MAPK1IP1L: variants seen among roughly 807,000 people sequenced by gnomAD.
MAPK1IP1L encodes mitogen-activated protein kinase 1 interacting protein 1 like, also known as MAPK-interacting and spindle-stabilizing protein-like.
Under a neutral mutation model 18.1 loss-of-function variants are expected in MAPK1IP1L, and 10 were observed. The ratio of observed to expected loss-of-function variants is 0.55; its 90% confidence interval spans 0.34 to 0.94. MAPK1IP1L has a LOEUF of 0.94. Ranked by LOEUF, MAPK1IP1L falls within the 40% of genes least tolerant of loss-of-function variation. The probability of loss-of-function intolerance (pLI) is 0.02; values close to 1 mark genes in which losing one functional copy is unlikely to be tolerated. For missense variants in MAPK1IP1L, 260 were observed against 318.2 expected (o/e 0.82, Z 1.39); for synonymous variants, 115 against 117.3 (o/e 0.98, Z 0.13).
chr14:55,056,873 T>G (rs991283246), intron 1 of MAPK1IP1L, among the ~76,000 whole-genome samples: 1 of 152,178 alleles, frequency 6.6e-6, no homozygotes, highest in Non-Finnish European at 1.5e-5. Context: ...TCTTGTCCTT[T>G]ATGTTCTTGT....
At chr14:55,051,922 G>T (rs1183678048) in intron 1 of MAPK1IP1L, 119 bp downstream of exon 1, 6 of 395,400 alleles carry the variant, frequency 1.5e-5, no homozygotes, top group Non-Finnish European at 5.0e-6. Context: ...ATCGAGTCAC[G>T]TCCAGTGCTC....
intron 1 of MAPK1IP1L, among the ~76,000 whole-genome samples, chr14:55,052,024 G>T (rs769678531): frequency 2.0e-5 from 3 of 152,240 alleles, no homozygotes; most frequent in Non-Finnish European, 4.4e-5. Context: ...GCCCCCCAGG[G>T]AGAAGGTGTC....
intron 1 of MAPK1IP1L, among the ~76,000 whole-genome samples, chr14:55,056,069 G>A (rs74532726): frequency 0.018 from 2,748 of 152,260 alleles, 89 homozygotes; most frequent in African/African-American, 0.062. Context: ...TGGAGAGCTG[G>A]TCACTTTACT....
At chr14:55,058,625 G>A (rs2140258877) in intron 1 of MAPK1IP1L, among the ~76,000 whole-genome samples, 1 of 152,300 alleles carries the variant, frequency 6.6e-6, no homozygotes, top group South Asian at 2.1e-4. Flanking sequence ...GAGGCCAGGA[G>A]TTCAAGAGCA....
chr14:55,062,781 C>A lies in MAPK1IP1L; in HGVS notation c.182C>A (p.Thr61Asn). ...SGLPPSATPS[T>N]VPFGPAPTGM... ...CTCCCACCAAGTGCAACACCCTCCA[C>A]TGTGCCTTTTGGACCAGCACCAACA... Residue 61 changes from threonine to asparagine, a missense_variant, in exon 3 of 4, where the codon ACT (threonine) becomes AAT (asparagine). By Grantham distance (65) the Thr-to-Asn change is moderately conservative. Coordinates refer to ENST00000395468, the MANE Select transcript of MAPK1IP1L (RefSeq NM_144578.4). The A allele has an allele frequency of 1.2e-6, 2 of 1,614,224 alleles. No individual in the cohort carries two copies. The highest frequency in any genetic ancestry group is 1.7e-6 in the Non-Finnish European group (2 of 1,180,044).
rs551155223 is a variant in MAPK1IP1L at position 55,056,543 on chromosome 14, A to C, written c.-5+4740A>C. ...TTTTTGTTTTTGAGACGGAGTTTGC[A>C]CTGTCACCCAGGCTGGAGTGCAGTG... is the stretch of plus-strand genomic sequence containing the variant. On this transcript the variant is annotated intron_variant, in intron 1 of 3. Transcript: ENST00000395468. 2.6e-5 allele frequency among the ~76,000 whole-genome samples: 4 copies of C among 152,152 alleles called. No homozygotes were observed. In the South Asian group the frequency reaches 8.3e-4, roughly 32 times the overall value.
rs2042883832 is a variant in MAPK1IP1L at position 55,068,653 on chromosome 14, CTT to C, written c.*4028_*4029del. 1 of 152,216 alleles carries C rather than the reference CTT, an allele frequency of 6.6e-6. No homozygotes were observed. The highest frequency in any genetic ancestry group is 1.5e-5 in the Non-Finnish European group (1 of 68,028). The allele number at this position is 152,216 out of a possible 1,614,324, so 9.4% of individuals were successfully genotyped here. On this transcript the variant is annotated 3_prime_UTR_variant, in exon 4 of 4. Coordinates refer to ENST00000395468, the MANE Select transcript of MAPK1IP1L (RefSeq NM_144578.4). ...AGTTGTAGGTGGCGTTCAGGGAAGACTTTGATTTTAATAAAGCAATATTTAGT... is the reference window on the plus strand; with the variant it reads ...AGTTGTAGGTGGCGTTCAGGGAAGACTGATTTTAATAAAGCAATATTTAGT...
At chr14:55,052,819 T>C (rs1454454328) in intron 1 of MAPK1IP1L, among the ~76,000 whole-genome samples, 3 of 152,240 alleles carry the variant, frequency 2.0e-5, no homozygotes, top group East Asian at 3.8e-4. Flanking sequence ...ATTGCAAATA[T>C]TGGAATGTTC....
chr14:55,063,403 G>C (rs2042836135), intron 3 of MAPK1IP1L, 78 bp downstream of exon 3: 1 of 1,252,182 alleles, frequency 8.0e-7, no homozygotes, highest in Non-Finnish European at 1.1e-6. Flanking sequence ...AGTTTTGGAT[G>C]GAAGATTAAG....
chr14:55,053,878 GTA>G (rs1388144477), intron 1 of MAPK1IP1L, among the ~76,000 whole-genome samples: 1 of 152,156 alleles, frequency 6.6e-6, no homozygotes, highest in African/African-American at 2.4e-5. Context: ...GTTCCAATAA[GTA>G]TATAACTAAA....
chr14:55,054,368 C>T (rs2042754350), intron 1 of MAPK1IP1L, among the ~76,000 whole-genome samples: 1 of 151,838 alleles, frequency 6.6e-6, no homozygotes, highest in Non-Finnish European at 1.5e-5. Context: ...GTCTTGAATT[C>T]CTGGCCTCAA....
chr14:55,055,688 T>C (rs750155474), intron 1 of MAPK1IP1L, among the ~76,000 whole-genome samples: 15 of 152,174 alleles, frequency 9.9e-5, no homozygotes, highest in Non-Finnish European at 4.4e-5. Context: ...CCCAGCACTT[T>C]GGGAGACTGA....
In MAPK1IP1L at chr14:55,064,883, A is replaced by G; in HGVS notation, c.*256A>G. 2.6e-6 allele frequency: 1 copy of G among 382,082 alleles called. No individual in the cohort carries two copies. The highest frequency in any genetic ancestry group is 4.7e-6 in the Non-Finnish European group (1 of 212,504). 23.7% of individuals were successfully genotyped at this position (382,082 alleles called of 1,614,324 possible). ...TTTTCATGGAAAGTTAAAGTGATAA[A>G]GTATATTGAATAGTTCTTTGACAGA... On this transcript the variant is annotated 3_prime_UTR_variant, in exon 4 of 4. Coordinates refer to ENST00000395468, the MANE Select transcript of MAPK1IP1L (RefSeq NM_144578.4).
At chr14:55,052,509 C>T (rs1335380528) in intron 1 of MAPK1IP1L, among the ~76,000 whole-genome samples, 1 of 152,168 alleles carries the variant, frequency 6.6e-6, no homozygotes, top group Non-Finnish European at 1.5e-5. Flanking sequence ...CCGTTTTCCT[C>T]TTTACCTTGA....
At chr14:55,054,042 C>G (rs1219071891) in intron 1 of MAPK1IP1L, among the ~76,000 whole-genome samples, 1 of 151,974 alleles carries the variant, frequency 6.6e-6, no homozygotes, top group Non-Finnish European at 1.5e-5. Context: ...CATGGTGGCA[C>G]TCAAAAAGAT....
Position 55,063,072 on chromosome 14 carries a change from G to C in MAPK1IP1L, c.473G>C (p.Gly158Ala), listed in dbSNP as rs1041589339. 2 of 1,613,452 alleles carry C rather than the reference G, an allele frequency of 1.2e-6. No homozygotes were observed. The highest frequency in any genetic ancestry group is 1.3e-5 in the African/African-American group (1 of 75,014). Residue 158 changes from glycine to alanine, a missense_variant, in exon 3 of 4, where the codon GGA becomes GCA. By Grantham distance (60) the Gly-to-Ala change is moderately conservative. Coordinates refer to ENST00000395468, the MANE Select transcript of MAPK1IP1L (RefSeq NM_144578.4). ...MSSGPWAPGM[G>A]GQYPTPNMPY... The stretch of plus-strand genomic sequence containing the variant: ...TCTGGACCTTGGGCGCCAGGAATGG[G>C]AGGGCAGTATCCTACCCCTAATATG...
intron 1 of MAPK1IP1L, among the ~76,000 whole-genome samples, chr14:55,059,875 G>A (rs2042802878): frequency 1.3e-5 from 2 of 152,140 alleles, no homozygotes; most frequent in Admixed American, 1.3e-4. Context: ...AATGGCAGCA[G>A]TATAGTGTAG....
rs1018326005 is a variant in MAPK1IP1L, at chr14:55,068,495, A to G, written c.*3868A>G. The G allele has an allele frequency of 6.6e-6, 1 of 152,636 alleles. No homozygotes were observed. The highest frequency in any genetic ancestry group is 1.5e-5 in the Non-Finnish European group (1 of 68,038). 9.5% of individuals were successfully genotyped at this position (152,636 alleles called of 1,614,324 possible). A position where few individuals can be genotyped will look rare whatever the true frequency, so the allele number is the denominator to read the frequency against. ...TGTCTCAATTTTCTCACCCTGAATG[A>G]TAGAAGCTAGCTTTATCAAATGCCA... is the stretch of plus-strand genomic sequence containing the variant. On this transcript the variant is annotated 3_prime_UTR_variant, in exon 4 of 4. Transcript: ENST00000395468.
At chr14:55,056,711 T>G (rs112450852) in intron 1 of MAPK1IP1L, among the ~76,000 whole-genome samples, 1,952 of 152,116 alleles carry the variant, frequency 0.013, 15 homozygotes, top group East Asian at 0.037. Flanking sequence ...GGGTTTCACC[T>G]TGTTAGCCAG....
Sources: allele counts gnomAD v4.1 joint callset (sites outside exome capture counted in the v4.1 genomes callset), GRCh38; gene constraint gnomAD v4.1.1; transcripts MANE v1.5; gene names NCBI Gene and HGNC (gene_info 2026-07-23, HGNC 2026-07-21).